ARHGAP42: variants seen among roughly 807,000 people sequenced by gnomAD.
ARHGAP42 encodes the protein Rho GTPase activating protein 42.
In ARHGAP42, 63 loss-of-function variants were observed where a neutral mutation model predicts 125.0. The ratio of observed to expected loss-of-function variants is 0.50; its 90% CI spans 0.41 to 0.62. The LOEUF is 0.62. Among genes scored for constraint, ARHGAP42 ranks in the 20% least tolerant of loss-of-function variants. ARHGAP42 has a pLI of 0.00. For missense variants in ARHGAP42, 766 were observed against 1,024.2 expected, an observed-to-expected ratio of 0.75 and a Z score of 3.44; for synonymous variants, 339 against 351.0, an observed-to-expected ratio of 0.97 and a Z score of 0.38.
Position 100,979,027 on chromosome 11 carries a change from C to G in ARHGAP42, c.2434C>G (p.Pro812Ala). 1 of 1,551,504 alleles carries G rather than the reference C, an allele frequency of 6.4e-7. No homozygotes were observed. Among genetic ancestry groups the G allele is most frequent in the Non-Finnish European group, 8.7e-7 (1 of 1,146,826 alleles). Residue 812 changes from proline to alanine, a missense_variant, in exon 22 of 24, where the codon CCT becomes GCT. Pro to Ala is a conservative substitution (Grantham distance 27). Coordinates refer to ENST00000298815, the MANE Select transcript of ARHGAP42 (RefSeq NM_152432.4). ...KAQLFENVGS[P>A]KPVSSGRQAK... is the part of the protein sequence containing the mutation. ...TCAACTGTTTGAAAATGTTGGTTCA[C>G]CTAAACCAGTTTCTTCTGGGCGGTA...
chr11:100,807,070 A>T (rs527894799), intron 3 of ARHGAP42, among the ~76,000 whole-genome samples: 2 of 151,756 alleles, frequency 1.3e-5, no homozygotes, highest in East Asian at 3.9e-4. Flanking sequence ...CTGGTCTCGA[A>T]CTCCTGACCT....
At chr11:100,694,137 T>C (rs1352071507) in intron 1 of ARHGAP42, among the ~76,000 whole-genome samples, 5 of 152,082 alleles carry the variant, frequency 3.3e-5, no homozygotes, top group African/African-American at 1.2e-4. Context: ...TTCACCATGT[T>C]GGCCAGGCTG....
At chr11:100,935,055 T>A (rs1321593451) in intron 7 of ARHGAP42, among the ~76,000 whole-genome samples, 1 of 151,310 alleles carries the variant, frequency 6.6e-6, no homozygotes, top group African/African-American at 2.4e-5. Flanking sequence ...AAGTAAGGAA[T>A]TGGAGAAAAA....
chr11:100,701,147 T>G (rs934368514), intron 1 of ARHGAP42, among the ~76,000 whole-genome samples: 4 of 152,090 alleles, frequency 2.6e-5, no homozygotes, highest in Non-Finnish European at 4.4e-5. Context: ...AATGAACTTT[T>G]TTTTTTTTTT....
At position 100,943,756 on chromosome 11, in the gene ARHGAP42, C is replaced by T; in HGVS notation, c.934-3C>T. On this transcript the variant is annotated splice_region_variant and splice_polypyrimidine_tract_variant and intron_variant, in intron 9 of 23. Coordinates refer to ENST00000298815, the MANE Select transcript of ARHGAP42 (RefSeq NM_152432.4). ...TAATACTGTGGTACTCTTCTTGTTT[C>T]AGAATGGCCTTGTTACTAGCTCACC... 1 of 1,539,484 alleles carries T rather than the reference C, an allele frequency of 6.5e-7. No homozygotes were observed. The highest frequency in any genetic ancestry group is 1.2e-5 in the South Asian group (1 of 83,202).
intron 5 of ARHGAP42, among the ~76,000 whole-genome samples, chr11:100,916,138 C>T (rs1480245409): frequency 3.9e-5 from 6 of 152,066 alleles, no homozygotes; most frequent in Middle Eastern, 3.2e-3. Flanking sequence ...ATCCCAAGGC[C>T]GTCAACTAGG....
intron 1 of ARHGAP42, among the ~76,000 whole-genome samples, chr11:100,769,819 T>G (rs1402379338): frequency 6.8e-6 from 1 of 147,084 alleles, no homozygotes; most frequent in Non-Finnish European, 1.5e-5. Context: ...CTGGGGCCTG[T>G]TTGGCCAGGG....
At chr11:100,943,688 G>T in intron 9 of ARHGAP42, 71 bp from the exon 10 acceptor site, 1 of 1,060,754 alleles carries the variant, frequency 9.4e-7, no homozygotes, top group South Asian at 1.6e-5. Flanking sequence ...GTGGCAACTT[G>T]AGCTCACATA....
intron 1 of ARHGAP42, among the ~76,000 whole-genome samples, chr11:100,697,098 A>C (rs1861296436): frequency 3.3e-5 from 5 of 152,160 alleles, no homozygotes; most frequent in Admixed American, 2.6e-4. Context: ...TCTGGAAAAA[A>C]GTAGGTGGAA....
At chr11:100,831,282 A>G (rs949800458) in intron 3 of ARHGAP42, among the ~76,000 whole-genome samples, 3 of 152,170 alleles carry the variant, frequency 2.0e-5, no homozygotes, top group East Asian at 3.9e-4. Flanking sequence ...CCTCATAAAC[A>G]TCATCATTAG....
intron 4 of ARHGAP42, among the ~76,000 whole-genome samples, chr11:100,874,018 C>G (rs989816251): frequency 6.6e-6 from 1 of 152,186 alleles, no homozygotes; most frequent in African/African-American, 2.4e-5. Flanking sequence ...TTGTCTTTGT[C>G]TTGTGTTGCA....
At chr11:100,717,824 G>T (rs1179685858) in intron 1 of ARHGAP42, among the ~76,000 whole-genome samples, 1 of 151,022 alleles carries the variant, frequency 6.6e-6, no homozygotes, top group Non-Finnish European at 1.5e-5. Flanking sequence ...TACTCGGGAG[G>T]CTGAGGCAGG....
intron 4 of ARHGAP42, among the ~76,000 whole-genome samples, chr11:100,891,258 C>A (rs1866211285): frequency 6.6e-6 from 1 of 152,016 alleles, no homozygotes; most frequent in Non-Finnish European, 1.5e-5. Context: ...GTAGCAAGCT[C>A]CTAATGTCTT....
chr11:100,814,290 G>A (rs1864213146), intron 3 of ARHGAP42, among the ~76,000 whole-genome samples: 1 of 149,878 alleles, frequency 6.7e-6, no homozygotes, highest in Non-Finnish European at 1.5e-5. Flanking sequence ...CTGGGAGGCA[G>A]AGGTTGCAGT....
chr11:100,909,023 G>A (rs1199493131), intron 4 of ARHGAP42, among the ~76,000 whole-genome samples: 1 of 152,078 alleles, frequency 6.6e-6, no homozygotes, highest in African/African-American at 2.4e-5. Flanking sequence ...AGCTGCTTGT[G>A]TGTCTTCTCT....
At chr11:100,735,873 C>T (rs879519357) in intron 1 of ARHGAP42, among the ~76,000 whole-genome samples, 4 of 152,134 alleles carry the variant, frequency 2.6e-5, no homozygotes, top group Non-Finnish European at 2.9e-5. Context: ...GCCTCAGCCT[C>T]CCAAAGTGTT....
chr11:100,725,951 A>T (rs1861853365), intron 1 of ARHGAP42, among the ~76,000 whole-genome samples: 1 of 150,222 alleles, frequency 6.7e-6, no homozygotes, highest in Admixed American at 6.6e-5. Flanking sequence ...AAAAAAAAAA[A>T]GCCAGGCATG....
intron 6 of ARHGAP42, among the ~76,000 whole-genome samples, chr11:100,930,496 G>A (rs1400868389): frequency 6.6e-6 from 1 of 152,118 alleles, no homozygotes; most frequent in African/African-American, 2.4e-5. Flanking sequence ...CCTTCCATAG[G>A]ATTGTACATT....
intron 2 of ARHGAP42, among the ~76,000 whole-genome samples, chr11:100,772,583 ACTT>A (rs1863008893): frequency 6.6e-6 from 1 of 152,078 alleles, no homozygotes; most frequent in Non-Finnish European, 1.5e-5. Context: ...CACATGCATG[ACTT>A]CTTCCTCCTC....
Sources: allele counts gnomAD v4.1 joint callset (sites outside exome capture counted in the v4.1 genomes callset), GRCh38; gene constraint gnomAD v4.1.1; transcripts MANE v1.5; gene names NCBI Gene and HGNC (gene_info 2026-07-23, HGNC 2026-07-21).